GNG7: variants seen among roughly 807,000 people sequenced by gnomAD.
GNG7 encodes the protein G protein subunit gamma 7.
A neutral mutation model predicts 4.0 loss-of-function variants in GNG7; 1 was observed. The ratio of observed to expected loss-of-function variants is 0.25; its 90% CI spans 0.09 to 1.18. The LOEUF (loss-of-function observed/expected upper bound fraction) is 1.18, where lower values mean the gene tolerates loss of function less well. Ranked by LOEUF, GNG7 falls within the 50% of genes most tolerant of loss-of-function variation. GNG7 has a pLI of 0.50. For synonymous variants in GNG7, 34 were observed against 36.9 expected, an observed-to-expected ratio of 0.92 and a Z score of 0.29; for missense variants, 86 against 91.9, an observed-to-expected ratio of 0.94 and a Z score of 0.26.
chr19:2,697,296 G>A (rs1020927065), intron 1 of GNG7, among the ~76,000 whole-genome samples: 6 of 152,166 alleles, frequency 3.9e-5, no homozygotes, highest in East Asian at 1.9e-4. Context: ...TCGTGGAAGC[G>A]TCTCGGAGCT....
At chr19:2,587,538 C>T (rs1019701041) in intron 2 of GNG7, among the ~76,000 whole-genome samples, 2 of 152,136 alleles carry the variant, frequency 1.3e-5, no homozygotes, top group Non-Finnish European at 2.9e-5. Context: ...CAACAGCCGG[C>T]GTCAGCTCGG....
intron 2 of GNG7, among the ~76,000 whole-genome samples, chr19:2,599,483 C>T (rs1030970500): frequency 6.6e-6 from 1 of 151,954 alleles, no homozygotes; most frequent in African/African-American, 2.4e-5. Flanking sequence ...GGGGGGCCCT[C>T]GGGCAGCCCT....
chr19:2,678,177 G>A (rs1306373075), intron 1 of GNG7, among the ~76,000 whole-genome samples: 7 of 152,106 alleles, frequency 4.6e-5, no homozygotes, highest in African/African-American at 7.2e-5. Context: ...GGTGGCCGAC[G>A]CCAACACTGT....
chr19:2,536,736 G>A (rs8109479), intron 3 of GNG7, among the ~76,000 whole-genome samples: 4,128 of 151,980 alleles, frequency 0.027, 169 homozygotes, highest in African/African-American at 0.095. Context: ...CAGCTTTCTC[G>A]GCTGTAAAGT....
chr19:2,591,146 C>T (rs1047909138), intron 2 of GNG7, among the ~76,000 whole-genome samples: 2 of 152,206 alleles, frequency 1.3e-5, no homozygotes, highest in Admixed American at 1.3e-4. Flanking sequence ...CAGCACCTCA[C>T]AGAGAACAAG....
chr19:2,638,272 G>T (rs1301113660), intron 2 of GNG7, among the ~76,000 whole-genome samples: 1 of 150,692 alleles, frequency 6.6e-6, no homozygotes, highest in African/African-American at 2.4e-5. Context: ...CCGAGGCAGA[G>T]AATTACTTGA....
intron 1 of GNG7, among the ~76,000 whole-genome samples, chr19:2,691,815 T>C (rs373957331): frequency 1.4e-4 from 20 of 145,410 alleles, no homozygotes; most frequent in Non-Finnish European, 2.1e-4. Flanking sequence ...TGCAGTGAGC[T>C]GAGATCATGC....
intron 1 of GNG7, chr19:2,700,921 T>C (rs1229326402): frequency 6.6e-6 from 1 of 152,104 alleles, no homozygotes; most frequent in Non-Finnish European, 1.5e-5. Flanking sequence ...GACGCTTAGC[T>C]GGGGATCCGC....
intron 2 of GNG7, among the ~76,000 whole-genome samples, chr19:2,556,184 G>C (rs891878395): frequency 6.6e-6 from 1 of 152,212 alleles, no homozygotes; most frequent in Non-Finnish European, 1.5e-5. Flanking sequence ...TGTGTCTCCC[G>C]GTTAGGCCAC....
intron 2 of GNG7, among the ~76,000 whole-genome samples, chr19:2,639,856 A>G (rs1284936472): frequency 1.0e-4 from 1 of 9,928 alleles, no homozygotes; most frequent in Non-Finnish European, 1.8e-4. Context: ...GAAGGAAGGA[A>G]GGGGAGGGAG....
At chr19:2,624,182 A>G (rs1358405066) in intron 2 of GNG7, among the ~76,000 whole-genome samples, 1 of 152,176 alleles carries the variant, frequency 6.6e-6, no homozygotes. Context: ...CTGAGCCCTT[A>G]GAAATGGCTA....
chr19:2,531,769 C>G (rs1978595906), intron 3 of GNG7, among the ~76,000 whole-genome samples: 1 of 123,736 alleles, frequency 8.1e-6, no homozygotes, highest in Non-Finnish European at 1.6e-5. Flanking sequence ...AGACTCCGTC[C>G]CAAAAAAAAA....
intron 1 of GNG7, among the ~76,000 whole-genome samples, chr19:2,688,469 G>T (rs1213234128): frequency 6.6e-6 from 1 of 152,170 alleles, no homozygotes; most frequent in Non-Finnish European, 1.5e-5. Context: ...CCAGCAGGGA[G>T]AGAGCAACAG....
chr19:2,623,813 G>A (rs1471359414), intron 2 of GNG7, among the ~76,000 whole-genome samples: 3 of 151,806 alleles, frequency 2.0e-5, no homozygotes, highest in African/African-American at 7.3e-5. Context: ...TCTGGGAGGC[G>A]GAGGTTGCAG....
intron 1 of GNG7, among the ~76,000 whole-genome samples, chr19:2,651,531 T>C (rs940837220): frequency 6.8e-6 from 1 of 147,018 alleles, no homozygotes; most frequent in Admixed American, 6.8e-5. Flanking sequence ...TTCTTTCTTC[T>C]TTCTCTTTCT....
chr19:2,645,187 CA>C (rs1178227998), intron 2 of GNG7, among the ~76,000 whole-genome samples: 1 of 151,834 alleles, frequency 6.6e-6, no homozygotes, highest in African/African-American at 2.4e-5. Flanking sequence ...GGCAACAAAG[CA>C]AACCCTAACT....
intron 2 of GNG7, among the ~76,000 whole-genome samples, chr19:2,624,341 A>C (rs1020932019): frequency 6.6e-6 from 1 of 151,798 alleles, no homozygotes; most frequent in African/African-American, 2.4e-5. Context: ...CATCCTGGCT[A>C]ACATGGTGAA....
At chr19:2,575,821 G>GCACACGCAGA (rs1980311035) in intron 2 of GNG7, among the ~76,000 whole-genome samples, 1 of 55,244 alleles carries the variant, frequency 1.8e-5, no homozygotes, top group Admixed American at 2.1e-4. Context: ...ACACACGCAG[G>GCACACGCAGA]CACACGCAGA....
chr19:2,677,454 A>G (rs1396232258), intron 1 of GNG7, among the ~76,000 whole-genome samples: 1 of 151,852 alleles, frequency 6.6e-6, no homozygotes, highest in East Asian at 1.9e-4. Context: ...ACCCCAGAGA[A>G]CGACCCAGCC....
Sources: allele counts gnomAD v4.1 joint callset (sites outside exome capture counted in the v4.1 genomes callset), GRCh38; gene constraint gnomAD v4.1.1; transcripts MANE v1.5; gene names NCBI Gene and HGNC (gene_info 2026-07-23, HGNC 2026-07-21).